The following QTMAN variants were observed in gnomAD, a reference collection of about 807,000 sequenced individuals.
QTMAN encodes the protein queuosine-tRNA mannosyltransferase.
At chr2:144,224,815 T>C in the QTMAN span, among the ~76,000 whole-genome samples, 1 of 152,184 alleles carries the variant, frequency 6.6e-6, no homozygotes. Flanking sequence ...AATTATTACA[T>C]TCTAAAAATT....
At chr2:144,280,625 C>G in the QTMAN span, among the ~76,000 whole-genome samples, 1 of 151,918 alleles carries the variant, frequency 6.6e-6, no homozygotes, top group Admixed American at 6.5e-5. Context: ...AAAAGAAGAC[C>G]TCATAAAGTG....
chr2:144,200,126 A>G, the QTMAN span, among the ~76,000 whole-genome samples: 1 of 152,256 alleles, frequency 6.6e-6, no homozygotes, highest in South Asian at 2.1e-4. Flanking sequence ...TAAATGGGCC[A>G]GTTAAGCAAC....
the QTMAN span, among the ~76,000 whole-genome samples, chr2:144,310,555 G>C: frequency 6.6e-6 from 1 of 152,244 alleles, no homozygotes; most frequent in African/African-American, 2.4e-5. Flanking sequence ...GACCAGTCAA[G>C]AGGCTACTAA....
At chr2:144,325,761 A>G in the QTMAN span, among the ~76,000 whole-genome samples, 14 of 152,246 alleles carry the variant, frequency 9.2e-5, no homozygotes, top group Admixed American at 2.0e-4. Context: ...CATTAAAAGT[A>G]TAAGATTTTG....
At chr2:143,962,044 G>A in the QTMAN span, among the ~76,000 whole-genome samples, 1 of 152,044 alleles carries the variant, frequency 6.6e-6, no homozygotes, top group African/African-American at 2.4e-5. Flanking sequence ...CTCCCACCAG[G>A]AGTGCTGCAG....
At chr2:144,075,012 T>C in the QTMAN span, among the ~76,000 whole-genome samples, 1 of 152,220 alleles carries the variant, frequency 6.6e-6, no homozygotes, top group Non-Finnish European at 1.5e-5. Context: ...ACATTTGAGG[T>C]TGGAAAGCGC....
chr2:144,330,632 T>C, the QTMAN span, among the ~76,000 whole-genome samples: 2 of 152,260 alleles, frequency 1.3e-5, no homozygotes, highest in Non-Finnish European at 2.9e-5. Context: ...CATGGCATTT[T>C]AATCTAATGG....
chr2:144,076,470 T>A, the QTMAN span, among the ~76,000 whole-genome samples: 1 of 152,088 alleles, frequency 6.6e-6, no homozygotes, highest in Non-Finnish European at 1.5e-5. Context: ...CTGGTCACAT[T>A]AAGGACATAT....
At chr2:144,314,054 C>T in the QTMAN span, among the ~76,000 whole-genome samples, 1 of 151,918 alleles carries the variant, frequency 6.6e-6, no homozygotes, top group East Asian at 1.9e-4. Flanking sequence ...GTATTTAACA[C>T]AGAGAAAATG....
At chr2:144,215,261 A>G in the QTMAN span, among the ~76,000 whole-genome samples, 1 of 142,432 alleles carries the variant, frequency 7.0e-6, no homozygotes, top group Non-Finnish European at 1.5e-5. Flanking sequence ...AAAAAAAAAA[A>G]ATATATATAT....
chr2:144,081,015 T>C, the QTMAN span, among the ~76,000 whole-genome samples: 1 of 152,228 alleles, frequency 6.6e-6, no homozygotes. Flanking sequence ...CTCAAGTTAC[T>C]GAAATTACTA....
chr2:143,991,797 C>G, the QTMAN span, among the ~76,000 whole-genome samples: 3 of 149,114 alleles, frequency 2.0e-5, no homozygotes, highest in Non-Finnish European at 4.5e-5. Context: ...GGGTCAGCCC[C>G]CTGCCCGGCC....
the QTMAN span, among the ~76,000 whole-genome samples, chr2:144,229,503 T>G: frequency 1.3e-5 from 2 of 152,172 alleles, no homozygotes; most frequent in African/African-American, 4.8e-5. Flanking sequence ...AAATCTCTTA[T>G]GCCAAAAAGC....
the QTMAN span, among the ~76,000 whole-genome samples, chr2:144,065,602 C>T: frequency 6.6e-6 from 1 of 152,254 alleles, no homozygotes; most frequent in East Asian, 1.9e-4. Context: ...GGTGGTAACA[C>T]TGTTACTAGA....
chr2:144,092,687 GTC>G, the QTMAN span, among the ~76,000 whole-genome samples: 2 of 152,150 alleles, frequency 1.3e-5, no homozygotes, highest in Admixed American at 6.5e-5. Flanking sequence ...GGAGAAGGGA[GTC>G]TAAGTGATCT....
chr2:144,313,245 A>G, the QTMAN span, among the ~76,000 whole-genome samples: 15 of 152,212 alleles, frequency 9.9e-5, no homozygotes, highest in African/African-American at 9.6e-5. Flanking sequence ...TATGCGGGAA[A>G]CAGGTGTTGA....
chr2:144,274,120 G>T, the QTMAN span, among the ~76,000 whole-genome samples: 1 of 152,042 alleles, frequency 6.6e-6, no homozygotes, highest in East Asian at 1.9e-4. Context: ...GCAACACAGC[G>T]AGACTCCGTC....
chr2:144,136,095 G>A, the QTMAN span, among the ~76,000 whole-genome samples: 3 of 152,026 alleles, frequency 2.0e-5, no homozygotes, highest in Non-Finnish European at 4.4e-5. Context: ...GGAGGTCAAG[G>A]TGGGCAGACT....
At chr2:144,215,490 G>T in the QTMAN span, among the ~76,000 whole-genome samples, 1 of 151,934 alleles carries the variant, frequency 6.6e-6, no homozygotes. Flanking sequence ...AACTGGATAA[G>T]TATATATTAA....
Sources: gnomAD v4.1 joint callset for allele counts (sites outside exome capture counted in the v4.1 genomes callset) on GRCh38, gnomAD v4.1.1 for gene constraint, MANE v1.5 for transcripts, NCBI Gene and HGNC (gene_info 2026-07-23, HGNC 2026-07-21) for gene names.